The following MYO5B variants were observed in gnomAD, a reference collection of about 807,000 sequenced individuals.
The protein encoded by MYO5B is myosin VB.
Under a neutral mutation model 229.3 loss-of-function variants are expected in MYO5B, and 143 were observed. That is an observed-to-expected ratio of 0.62 (90% CI 0.54 to 0.72). The LOEUF is 0.72. Ranked by LOEUF, MYO5B falls within the 30% of genes least tolerant of loss-of-function variation. The probability of loss-of-function intolerance (pLI) is 0.00; values close to 1 mark genes in which losing one functional copy is unlikely to be tolerated. For missense variants in MYO5B, 2,321 were observed against 2,331.0 expected (o/e 1.00, Z 0.09); for synonymous variants, 918 against 885.2 (o/e 1.04, Z -0.66).
intron 16 of MYO5B, among the ~76,000 whole-genome samples, chr18:49,932,055 CCTT>C (rs2025199318): frequency 6.6e-6 from 1 of 152,184 alleles, no homozygotes; most frequent in Non-Finnish European, 1.5e-5. Context: ...GCTGGAGGTC[CCTT>C]CTTCTTCCAG....
intron 1 of MYO5B, among the ~76,000 whole-genome samples, chr18:50,138,775 G>A (rs1413222049): frequency 6.6e-6 from 1 of 152,108 alleles, no homozygotes; most frequent in Non-Finnish European, 1.5e-5. Context: ...TGAAGAAATA[G>A]TACCCCATTT....
intron 12 of MYO5B, among the ~76,000 whole-genome samples, chr18:49,957,160 A>C: frequency 6.6e-6 from 1 of 150,558 alleles, no homozygotes; most frequent in East Asian, 1.9e-4. Context: ...AAAAAAAAAA[A>C]AAAAAGCAGG....
intron 7 of MYO5B, among the ~76,000 whole-genome samples, chr18:49,988,785 C>T (rs1347022646): frequency 2.0e-5 from 3 of 152,164 alleles, no homozygotes; most frequent in Non-Finnish European, 1.5e-5. Context: ...TGACAGGCAC[C>T]CTCAGAGCCA....
chr18:49,929,580 T>C lies in MYO5B; in HGVS notation c.2022A>G (p.Ala674=). ...CCCCGCAGGCTCTGAGTTGCTGCAC[T>C]GCTCTCTTTGGGTCAAAGCTGCCAA... is the stretch of plus-strand genomic sequence containing the variant. ...KLPFHFDPKR[A]VQQLRACGVL... is the part of the protein sequence containing the mutation. The change falls in exon 17 of 40, where the codon GCA becomes GCG. Residue 674 remains alanine, a synonymous_variant. Coordinates refer to ENST00000285039, the MANE Select transcript of MYO5B (RefSeq NM_001080467.3). The C allele has an allele frequency of 1.3e-6, 2 of 1,598,256 alleles. No homozygotes were observed. Among genetic ancestry groups the C allele is most frequent in the East Asian group, 4.5e-5 (2 of 44,554 alleles).
intron 36 of MYO5B, 129 bp downstream of exon 36, chr18:49,839,015 G>A: frequency 4.3e-6 from 5 of 1,149,862 alleles, no homozygotes; most frequent in Middle Eastern, 5.6e-4. Context: ...TGCCTTCACT[G>A]GAAGGTTCTG....
chr18:49,871,139 A>ACCTGAT (rs2024451758), intron 27 of MYO5B, among the ~76,000 whole-genome samples: 2 of 152,252 alleles, frequency 1.3e-5, no homozygotes, highest in Admixed American at 1.3e-4. Context: ...ATAGAGATCA[A>ACCTGAT]CCATCAGGAC....
intron 27 of MYO5B, among the ~76,000 whole-genome samples, chr18:49,868,278 C>T (rs1478070659): frequency 6.6e-6 from 1 of 150,878 alleles, no homozygotes; most frequent in East Asian, 2.0e-4. Context: ...AATAAATTTA[C>T]AAATAAAATG....
intron 27 of MYO5B, among the ~76,000 whole-genome samples, chr18:49,865,693 G>C (rs1456742442): frequency 6.6e-6 from 1 of 152,204 alleles, no homozygotes; most frequent in Admixed American, 6.5e-5. Flanking sequence ...TCCTCCAGCT[G>C]TGACAGGCCA....
At chr18:49,971,381 G>C (rs948112263) in intron 10 of MYO5B, among the ~76,000 whole-genome samples, 3 of 152,130 alleles carry the variant, frequency 2.0e-5, no homozygotes, top group Admixed American at 6.5e-5. Flanking sequence ...AAGGAAATAA[G>C]GCAGATAAGA....
At chr18:49,941,967 T>C (rs1271264047) in intron 14 of MYO5B, among the ~76,000 whole-genome samples, 3 of 106,616 alleles carry the variant, frequency 2.8e-5, no homozygotes, top group African/African-American at 1.2e-4. Context: ...ATGGTACTGG[T>C]ACCAAAACAG....
At chr18:50,083,691 C>T (rs2031268838) in intron 1 of MYO5B, among the ~76,000 whole-genome samples, 1 of 152,172 alleles carries the variant, frequency 6.6e-6, no homozygotes, top group African/African-American at 2.4e-5. Flanking sequence ...AGGGTTTCCC[C>T]TCATCTGTTC....
intron 1 of MYO5B, among the ~76,000 whole-genome samples, chr18:50,125,896 G>A (rs2032154204): frequency 6.6e-6 from 1 of 152,162 alleles, no homozygotes. Flanking sequence ...AGAGAAATAA[G>A]CCAGAAAAGG....
Position 50,040,153 on chromosome 18 carries a change from G to A in MYO5B, c.300C>T (p.Tyr100=), listed in dbSNP as rs780418277. Residue 100 remains tyrosine, a synonymous_variant, in exon 3 of 40, where the codon TAC becomes TAT. Transcript: ENST00000285039. Reference sequence around the variant, plus strand: ...ATGCCCCCCACTTACCACAGTAAGTGTAGATATGGTTGGACTCCAGGAAAC... The same window carrying A: ...ATGCCCCCCACTTACCACAGTAAGTATAGATATGGTTGGACTCCAGGAAAC... ...KVRFLESNHI[Y]TYCGIVLVAI... The A allele has an allele frequency of 1.9e-6, 3 of 1,614,138 alleles. No individual in the cohort carries two copies. Among genetic ancestry groups the A allele is most frequent in the Non-Finnish European group, 2.5e-6 (3 of 1,180,024 alleles).
chr18:49,927,086 T>C (rs2025136363), intron 17 of MYO5B, among the ~76,000 whole-genome samples: 1 of 152,174 alleles, frequency 6.6e-6, no homozygotes, highest in South Asian at 2.1e-4. Context: ...AGATGGATGA[T>C]GGTGATGGTA....
chr18:49,934,807 T>A (rs1403586676), intron 16 of MYO5B, among the ~76,000 whole-genome samples: 2 of 152,182 alleles, frequency 1.3e-5, no homozygotes, highest in Non-Finnish European at 2.9e-5. Context: ...ACAGAGCCCA[T>A]CTGAATGGAA....
At position 50,046,036 on chromosome 18, in the gene MYO5B, T is replaced by C. The variant is rs570988812; in HGVS notation, c.139-5722A>G. Among the ~76,000 whole-genome samples the C allele has an allele frequency of 8.5e-5, 13 of 152,274 alleles. No homozygotes were observed. The South Asian group carries it at 1.0e-3, about 12-fold the overall frequency. On this transcript the variant is annotated intron_variant, in intron 2 of 39. Coordinates refer to ENST00000285039, the MANE Select transcript of MYO5B (RefSeq NM_001080467.3). Reference sequence around the variant, plus strand: ...TTTGGAACTAATAATAATCATACAGTGGACAGAAGAGGAGAAAGAATTGGC... The same window carrying C: ...TTTGGAACTAATAATAATCATACAGCGGACAGAAGAGGAGAAAGAATTGGC...
At chr18:49,873,086 C>T (rs373784075) in intron 26 of MYO5B, among the ~76,000 whole-genome samples, 1 of 152,218 alleles carries the variant, frequency 6.6e-6, no homozygotes, top group Non-Finnish European at 1.5e-5. Context: ...GCCCACAACA[C>T]TCTGTAATGC....
intron 4 of MYO5B, among the ~76,000 whole-genome samples, chr18:50,002,905 G>A (rs1280209766): frequency 3.3e-5 from 5 of 152,160 alleles, no homozygotes; most frequent in Non-Finnish European, 5.9e-5. Context: ...GAAAAGAACA[G>A]AGAAGCACCA....
intron 7 of MYO5B, among the ~76,000 whole-genome samples, chr18:49,987,248 C>T (rs369233075): frequency 1.3e-4 from 20 of 152,138 alleles, no homozygotes; most frequent in African/African-American, 4.1e-4. Flanking sequence ...GGGTCAGTTA[C>T]AGCATTTTCT....
Sources: allele counts gnomAD v4.1 joint callset (sites outside exome capture counted in the v4.1 genomes callset), GRCh38; gene constraint gnomAD v4.1.1; transcripts MANE v1.5; gene names NCBI Gene and HGNC (gene_info 2026-07-23, HGNC 2026-07-21).